Variants in PZP observed in about 807,000 individuals in gnomAD.
The protein encoded by PZP is pregnancy zone protein.
In PZP, 150 loss-of-function variants were observed where a neutral mutation model predicts 179.8. The ratio of observed to expected loss-of-function variants is 0.83; its 90% CI spans 0.73 to 0.96. The LOEUF (loss-of-function observed/expected upper bound fraction) is 0.96. Among genes scored for constraint, PZP ranks in the 40% least tolerant of loss-of-function variants. The pLI is 0.00. For synonymous variants in PZP, 624 were observed against 652.3 expected (o/e 0.96, Z 0.66); for missense variants, 1,689 against 1,764.0 (o/e 0.96, Z 0.76).
intron 15 of PZP, among the ~76,000 whole-genome samples, chr12:9,171,158 AT>A (rs1941972761): frequency 6.6e-6 from 1 of 152,240 alleles, no homozygotes; most frequent in Admixed American, 6.5e-5. Context: ...ACAGGCTGCC[AT>A]CTTTGCTGTT....
chr12:9,203,685 A>G (rs557727412), intron 2 of PZP, 83 bp downstream of exon 2: 35 of 1,496,248 alleles, frequency 2.3e-5, no homozygotes, highest in African/African-American at 2.8e-5. Flanking sequence ...TTGGGATCGC[A>G]CACCAGAGCT....
Position 9,192,601 on chromosome 12 carries a change from G to A in PZP, c.1393C>T (p.Pro465Ser). The change falls in exon 12 of 36, where the codon CCC (proline) becomes TCC (serine). Residue 465 changes from proline to serine, a missense_variant. Around this residue, in one of 3 missense-constraint regions of PZP, gnomAD observed 742 missense variants for 730.5 expected, o/e 1.02. Coordinates refer to ENST00000261336, the MANE Select transcript of PZP (RefSeq NM_002864.3). ...GTGATAGTCTCCGTGTGGCCACAGG[G>A]CAGGGTACCAGCCACAGGCTCCAGG... is the stretch of plus-strand genomic sequence containing the variant. The part of the protein sequence containing the change: ...IHLEPVAGTL[P>S]CGHTETITAH... The A allele has an allele frequency of 1.2e-6, 2 of 1,614,200 alleles. No individual in the cohort carries two copies. Among genetic ancestry groups the A allele is most frequent in the Non-Finnish European group, 1.7e-6 (2 of 1,180,024 alleles).
downstream of PZP, among the ~76,000 whole-genome samples, chr12:9,148,460 CTTTAT>C (rs1367465643): frequency 1.3e-5 from 2 of 151,998 alleles, no homozygotes. Flanking sequence ...ACTCTCATCT[CTTTAT>C]TTTTTTAATC....
the PZP span, among the ~76,000 whole-genome samples, chr12:9,138,613 G>A: frequency 7.2e-5 from 11 of 151,930 alleles, no homozygotes; most frequent in African/African-American, 2.4e-4. Flanking sequence ...ATCTACCTGT[G>A]AAGCTATCTG....
chr12:9,194,525 C>T (rs1352829530), intron 10 of PZP, among the ~76,000 whole-genome samples: 4 of 139,950 alleles, frequency 2.9e-5, no homozygotes, highest in South Asian at 2.3e-4. Context: ...AGTGCAGTGG[C>T]GCGATCTCGG....
chr12:9,160,293 A>C, intron 24 of PZP, 21 bp downstream of exon 24: 1 of 1,582,958 alleles, frequency 6.3e-7, no homozygotes, highest in Non-Finnish European at 8.6e-7. Flanking sequence ...AACAAAGTAA[A>C]TTTTTCTCTG....
the PZP span, among the ~76,000 whole-genome samples, chr12:9,137,047 T>A: frequency 3.3e-5 from 5 of 152,212 alleles, no homozygotes; most frequent in African/African-American, 1.2e-4. Flanking sequence ...GTTCAACTTA[T>A]TTGTTTTTGT....
chr12:9,180,123 CTTAT>C (rs773265890), intron 15 of PZP, among the ~76,000 whole-genome samples: 26 of 152,122 alleles, frequency 1.7e-4, no homozygotes, highest in South Asian at 6.2e-4. Flanking sequence ...TCAATAGAGG[CTTAT>C]TTATTTATTT....
chr12:9,149,528 A>G, intron 35 of PZP, 33 bp downstream of exon 35: 1 of 1,598,938 alleles, frequency 6.3e-7, no homozygotes, highest in Non-Finnish European at 8.6e-7. Context: ...GGTTAATGCC[A>G]TCTAGTACTG....
At chr12:9,145,244 CT>C (rs1273834017), downstream of PZP, among the ~76,000 whole-genome samples, 1 of 152,022 alleles carries the variant, frequency 6.6e-6, no homozygotes, top group Non-Finnish European at 1.5e-5. Context: ...ATTATTTTGT[CT>C]GTCTTTTCCT....
intron 8 of PZP, 35 bp downstream of exon 8, chr12:9,196,977 A>G: frequency 7.0e-7 from 1 of 1,430,520 alleles, no homozygotes; most frequent in Non-Finnish European, 9.8e-7. Flanking sequence ...GGTTGTAAAC[A>G]GTGATAGCAC....
At chr12:9,165,729 ATTTG>A (rs967794783) in intron 18 of PZP, among the ~76,000 whole-genome samples, 2 of 152,316 alleles carry the variant, frequency 1.3e-5, no homozygotes, top group South Asian at 2.1e-4. Flanking sequence ...ATGTAGCCTG[ATTTG>A]TTTATGTGCC....
chr12:9,197,805 A>G (rs1340220853), intron 7 of PZP, among the ~76,000 whole-genome samples: 5 of 86,278 alleles, frequency 5.8e-5, no homozygotes, highest in African/African-American at 2.5e-4. Context: ...ATATTATACA[A>G]TACATAATAT....
chr12:9,158,752 C>CTTTTTTTTT (rs200458490), intron 25 of PZP, among the ~76,000 whole-genome samples, 176 bp from the exon 26 acceptor site: 1 of 97,818 alleles, frequency 1.0e-5, no homozygotes, highest in Non-Finnish European at 2.0e-5. Flanking sequence ...TTTTTCTTTT[C>CTTTTTTTTT]TTTTCTTTTT....
chr12:9,146,021 G>A (rs1226920750), downstream of PZP, among the ~76,000 whole-genome samples: 1 of 151,786 alleles, frequency 6.6e-6, no homozygotes, highest in Non-Finnish European at 1.5e-5. Context: ...GATTTCATTG[G>A]GTTCATCTTA....
Position 9,166,096 on chromosome 12 carries a change from T to C in PZP, c.2214A>G (p.Arg738=). ...QSSGPVPETV[R]SYFPETWIWE... ...AGATCCAAGTCTCAGGAAAATAGCT[T>C]CGCACCGTTTCAGGGACTGGCCCTG... The change falls in exon 18 of 36, where the codon CGA becomes CGG. Residue 738 remains arginine, a synonymous_variant. Transcript: ENST00000261336. 1 of 1,612,730 alleles carries C rather than the reference T, an allele frequency of 6.2e-7. No individual in the cohort carries two copies. Among genetic ancestry groups the C allele is most frequent in the South Asian group, 1.1e-5 (1 of 90,526 alleles).
chr12:9,166,934 T>C (rs774860976), intron 17 of PZP: 81 of 152,344 alleles, frequency 5.3e-4, no homozygotes, highest in African/African-American at 1.9e-3. Context: ...TCTCCCTCCA[T>C]GTATCCCATC....
intron 15 of PZP, among the ~76,000 whole-genome samples, 177 bp downstream of exon 15, chr12:9,180,806 T>A (rs1324037708): frequency 6.6e-6 from 1 of 152,184 alleles, no homozygotes; most frequent in East Asian, 1.9e-4. Flanking sequence ...AAATGGGATC[T>A]AATTAAACTA....
At chr12:9,166,723 C>T (rs1378699633) in intron 17 of PZP, among the ~76,000 whole-genome samples, 1 of 152,146 alleles carries the variant, frequency 6.6e-6, no homozygotes, top group Non-Finnish European at 1.5e-5. Context: ...AAGATTAGAG[C>T]ATTAGATTTT....
Sources: gnomAD v4.1 joint callset for allele counts (sites outside exome capture counted in the v4.1 genomes callset) on GRCh38, gnomAD v4.1.1 for gene constraint, gnomAD v4.1.1 regional missense constraint, MANE v1.5 for transcripts, NCBI Gene and HGNC (gene_info 2026-07-23, HGNC 2026-07-21) for gene names.